The following MYB variants were observed in gnomAD, a reference collection of about 807,000 sequenced individuals.
MYB encodes transcriptional activator Myb.
A neutral mutation model predicts 92.9 loss-of-function variants in MYB; 28 were observed. The observed-to-expected ratio is 0.30, with a 90% CI of 0.22 to 0.41. The LOEUF (loss-of-function observed/expected upper bound fraction) is 0.41, where lower values mean the gene tolerates loss of function less well. Ranked by LOEUF, MYB falls within the 10% of genes least tolerant of loss-of-function variation. MYB has a pLI of 1.00. For synonymous variants in MYB, 295 were observed against 329.1 expected, an observed-to-expected ratio of 0.90 and a Z score of 1.12; for missense variants, 679 against 929.3, an observed-to-expected ratio of 0.73 and a Z score of 3.50.
chr6:135,187,657 T>C (rs1776097531), intron 2 of MYB, among the ~76,000 whole-genome samples, 177 bp from the exon 3 acceptor site: 1 of 152,198 alleles, frequency 6.6e-6, no homozygotes, highest in Non-Finnish European at 1.5e-5. Flanking sequence ...AGATGCCAAC[T>C]CTGGTCTGAT....
chr6:135,186,980 C>G (rs1776001216), intron 2 of MYB, among the ~76,000 whole-genome samples: 1 of 152,166 alleles, frequency 6.6e-6, no homozygotes, highest in Non-Finnish European at 1.5e-5. Flanking sequence ...ATAGGAAATT[C>G]ATATTTTACC....
chr6:135,197,865 AT>A (rs1433797535), intron 10 of MYB, among the ~76,000 whole-genome samples: 1 of 152,188 alleles, frequency 6.6e-6, no homozygotes, highest in Non-Finnish European at 1.5e-5. Context: ...CATATTTTTA[AT>A]TTCAGTTTCT....
chr6:135,217,992 A>G lies in MYB; in HGVS notation c.*12A>G. 1.9e-6 allele frequency: 3 copies of G among 1,567,598 alleles called. No homozygotes were observed. Among genetic ancestry groups the G allele is most frequent in the South Asian group, 2.2e-5 (2 of 90,162 alleles). On this transcript the variant is annotated 3_prime_UTR_variant, in exon 16 of 16. Coordinates refer to ENST00000341911, the MANE Select transcript of MYB (RefSeq NM_001130173.2). ...CGCTGGTCATGTGAGACATTTCCAG[A>G]AAAGCATTATGGTTTTCAGAACACT...
Position 135,185,967 on chromosome 6 carries a change from CT to C in MYB, c.90del (p.Lys32SerfsTer20). 6.2e-7 allele frequency: 1 copy of C among 1,614,132 alleles called. No homozygotes were observed. The highest frequency in any genetic ancestry group is 8.5e-7 in the Non-Finnish European group (1 of 1,180,016). On this transcript the variant is annotated frameshift_variant, in exon 2 of 16. Transcript: ENST00000341911. LOFTEE classifies it high-confidence loss of function. ...GTGTGACCATGACTATGATGGGCTG[CT>C]TCCCAAGTCTGGAAAGCGTCACTTG... The part of the protein sequence containing the change: ...EMCDHDYDGL[L>X]PKSGKRHLGK...
At position 135,203,350 on chromosome 6, in the gene MYB, T is replaced by A. The variant is rs76672676; in HGVS notation, c.2169+26T>A. 884 of 1,501,856 alleles carry A rather than the reference T, an allele frequency of 5.9e-4. 3 individuals are homozygous for A. In the African/African-American group the frequency reaches 0.011, roughly 19 times the overall value. 93.0% of individuals were successfully genotyped at this position (1,501,856 alleles called of 1,614,324 possible). ...GTAATTACTATTCCAACATTGGTAT[T>A]TTAAAATTCATTCACTGAAAAACTG... is the stretch of plus-strand genomic sequence containing the variant. On this transcript the variant is annotated intron_variant, in intron 15 of 15. Coordinates refer to ENST00000341911, the MANE Select transcript of MYB (RefSeq NM_001130173.2).
In MYB at chr6:135,195,812, C is replaced by T; in HGVS notation, c.1013C>T (p.Pro338Leu). ...HSTTIADHTRPHGDSAPVSCL... is the reference protein window; with the variant it reads ...HSTTIADHTRLHGDSAPVSCL... The stretch of plus-strand genomic sequence containing the variant: ...ACCACCATTGCCGACCACACCAGAC[C>T]TCATGGAGACAGTGCACCTGTTTCC... Residue 338 changes from proline (P) to leucine (L), a missense_variant, in exon 9 of 16, where the codon CCT becomes CTT. Physicochemically the swap from Pro to Leu is moderately conservative, Grantham distance 98 (BLOSUM62 -3). Transcript: ENST00000341911. The T allele has an allele frequency of 6.2e-7, 1 of 1,614,186 alleles. No homozygotes were observed. The highest frequency in any genetic ancestry group is 8.5e-7 in the Non-Finnish European group (1 of 1,180,038).
At position 135,197,077 on chromosome 6, in the gene MYB, G is replaced by A. The variant is rs377192907; in HGVS notation, c.1320G>A (p.Gly440=). Reference sequence around the variant, plus strand: ...AGCTTCAGCAAAGAGAGGGCAATGGGACTAAACCTGCAGGAGAACCTAGCC... The same window carrying A: ...AGCTTCAGCAAAGAGAGGGCAATGGAACTAAACCTGCAGGAGAACCTAGCC... ...ALQLQQREGN[G]TKPAGEPSPR... The change falls in exon 10 of 16, where the codon GGG becomes GGA. Residue 440 remains glycine, a synonymous_variant. Coordinates refer to ENST00000341911, the MANE Select transcript of MYB (RefSeq NM_001130173.2). 2 of 1,613,996 alleles carry A rather than the reference G, an allele frequency of 1.2e-6. No homozygotes were observed. The highest frequency in any genetic ancestry group is 1.7e-6 in the Non-Finnish European group (2 of 1,179,892).
chr6:135,202,030 A>G (rs1001661977), intron 14 of MYB, among the ~76,000 whole-genome samples: 1 of 152,116 alleles, frequency 6.6e-6, no homozygotes, highest in Non-Finnish European at 1.5e-5. Flanking sequence ...TATAAAAACT[A>G]TGTTCATTTA....
chr6:135,197,077 G>T lies in MYB; in HGVS notation c.1320G>T (p.Gly440=), dbSNP rs377192907. 9.3e-5 allele frequency: 150 copies of T among 1,613,878 alleles called. No individual in the cohort carries two copies. Among genetic ancestry groups the T allele is most frequent in the Non-Finnish European group, 1.3e-4 (148 of 1,179,900 alleles). Residue 440 remains glycine (G), a synonymous_variant, in exon 10 of 16, where the codon GGG becomes GGT. Coordinates refer to ENST00000341911, the MANE Select transcript of MYB (RefSeq NM_001130173.2). ...AGCTTCAGCAAAGAGAGGGCAATGG[G>T]ACTAAACCTGCAGGAGAACCTAGCC... ...ALQLQQREGN[G]TKPAGEPSPR...
At chr6:135,196,858 G>A (rs12660713) in intron 9 of MYB, 103 bp from the exon 10 acceptor site, 174,584 of 1,584,834 alleles carry the variant, frequency 0.11, 9,927 homozygotes, top group South Asian at 0.13. Flanking sequence ...CCAAACCAAC[G>A]GGCCTAGTGT....
chr6:135,210,379 A>C lies in MYB; in HGVS notation c.2169+7055A>C, dbSNP rs184229877. Among the ~76,000 whole-genome samples the C allele has an allele frequency of 3.8e-3, 577 of 152,292 alleles. 1 individual carries two copies. Among genetic ancestry groups the C allele is most frequent in the South Asian group, 6.0e-3 (29 of 4,826 alleles). On this transcript the variant is annotated intron_variant, in intron 15 of 15. Transcript: ENST00000341911. ...CCTGACTTGGCTTGCCCATGGCCTG[A>C]CTTTTTTAAAACAAGGAGTTTAAGT...
At chr6:135,193,610 G>A (rs898897078) in intron 6 of MYB, among the ~76,000 whole-genome samples, 7 of 151,986 alleles carry the variant, frequency 4.6e-5, no homozygotes, top group African/African-American at 1.5e-4. Flanking sequence ...AATTTAAAGT[G>A]CTCATCAACA....
intron 15 of MYB, among the ~76,000 whole-genome samples, chr6:135,210,173 G>A (rs1779518327): frequency 1.3e-5 from 2 of 152,108 alleles, no homozygotes; most frequent in Admixed American, 1.3e-4. Flanking sequence ...CATTTTTATT[G>A]GTAGATCAAA....
chr6:135,189,981 G>A (rs1481903961), intron 4 of MYB, 98 bp downstream of exon 4: 6 of 1,408,520 alleles, frequency 4.3e-6, no homozygotes, highest in Non-Finnish European at 5.9e-6. Context: ...TGGGCAAACA[G>A]GAAGTAGAGG....
At chr6:135,201,044 A>G (rs1425408869) in intron 13 of MYB, among the ~76,000 whole-genome samples, 1 of 152,144 alleles carries the variant, frequency 6.6e-6, no homozygotes, top group Admixed American at 6.6e-5. Flanking sequence ...GTACCACTGC[A>G]CTCCAGCCTG....
chr6:135,198,418 G>GT (rs1174212113), intron 10 of MYB, among the ~76,000 whole-genome samples: 1 of 152,072 alleles, frequency 6.6e-6, no homozygotes, highest in Non-Finnish European at 1.5e-5. Context: ...GGAACACCTA[G>GT]TTTTTTCCCA....
intron 4 of MYB, 58 bp downstream of exon 4, chr6:135,189,941 A>G: frequency 2.6e-6 from 4 of 1,520,526 alleles, no homozygotes; most frequent in Non-Finnish European, 3.6e-6. Flanking sequence ...CAAAATGCTA[A>G]TATTTTCCTA....
At chr6:135,203,912 T>A in intron 15 of MYB, 2 of 1,151,922 alleles carry the variant, frequency 1.7e-6, no homozygotes, top group Non-Finnish European at 2.2e-6. Flanking sequence ...TGGGTGTGTG[T>A]TGATGAAATA....
intron 15 of MYB, among the ~76,000 whole-genome samples, chr6:135,212,736 G>A (rs868296914): frequency 9.9e-5 from 15 of 152,190 alleles, no homozygotes; most frequent in Admixed American, 1.3e-4. Context: ...GAATTCATAT[G>A]CAGAAACCCA....
Sources: gnomAD v4.1 joint callset for allele counts (sites outside exome capture counted in the v4.1 genomes callset) on GRCh38, gnomAD v4.1.1 for gene constraint, MANE v1.5 for transcripts, NCBI Gene and HGNC (gene_info 2026-07-23, HGNC 2026-07-21) for gene names.